CDK17: variants seen among roughly 807,000 people sequenced by gnomAD.
CDK17 encodes cyclin-dependent kinase 17.
Under a neutral mutation model 77.6 loss-of-function variants are expected in CDK17, and 24 were observed. The observed-to-expected ratio is 0.31, with a 90% CI of 0.22 to 0.44. The LOEUF (loss-of-function observed/expected upper bound fraction) is 0.44. Ranked by LOEUF, CDK17 falls within the 20% of genes least tolerant of loss-of-function variation. The pLI is 1.00. For missense variants in CDK17, 429 were observed against 622.5 expected (o/e 0.69, Z 3.31); for synonymous variants, 203 against 210.4 (o/e 0.96, Z 0.30).
At chr12:96,358,218 G>C (rs1405594545) in intron 1 of CDK17, among the ~76,000 whole-genome samples, 1 of 151,688 alleles carries the variant, frequency 6.6e-6, no homozygotes, top group Admixed American at 6.6e-5. Context: ...AAGGAGAAAA[G>C]CACATAAAAA....
At chr12:96,280,722 A>T in intron 16 of CDK17, 86 bp downstream of exon 16, 1 of 1,562,572 alleles carries the variant, frequency 6.4e-7, no homozygotes, top group East Asian at 2.3e-5. Context: ...TACATCAATA[A>T]TTTTACTGAT....
chr12:96,308,581 T>C (rs1952606363), intron 5 of CDK17, among the ~76,000 whole-genome samples: 3 of 151,586 alleles, frequency 2.0e-5, no homozygotes, highest in Non-Finnish European at 2.9e-5. Context: ...ATACAAAAAT[T>C]AGCAGGACAT....
intron 3 of CDK17, among the ~76,000 whole-genome samples, chr12:96,320,115 A>C (rs1464683449): frequency 6.6e-6 from 1 of 152,228 alleles, no homozygotes; most frequent in Non-Finnish European, 1.5e-5. Context: ...ATACAAAATC[A>C]ATGTACAAAA....
chr12:96,371,920 C>A (rs1159348303), intron 1 of CDK17, among the ~76,000 whole-genome samples: 3 of 151,966 alleles, frequency 2.0e-5, no homozygotes, highest in African/African-American at 7.3e-5. Flanking sequence ...ATGTTCTTAG[C>A]ATACTTGGCA....
intron 1 of CDK17, among the ~76,000 whole-genome samples, chr12:96,373,225 A>G (rs1217719313): frequency 6.6e-6 from 1 of 152,208 alleles, no homozygotes; most frequent in Non-Finnish European, 1.5e-5. Flanking sequence ...TGATTCCTTC[A>G]TTTAAACACT....
At chr12:96,325,573 T>C (rs1952882465) in intron 2 of CDK17, among the ~76,000 whole-genome samples, 3 of 152,148 alleles carry the variant, frequency 2.0e-5, no homozygotes. Flanking sequence ...TAAAAGGGTA[T>C]AAGAAGGATG....
chr12:96,372,604 A>C (rs1446559114), intron 1 of CDK17, among the ~76,000 whole-genome samples: 2 of 152,146 alleles, frequency 1.3e-5, no homozygotes, highest in Non-Finnish European at 2.9e-5. Context: ...ATTTTCACCA[A>C]AACAGTAAGA....
At chr12:96,387,136 T>C in intron 1 of CDK17, 1 of 268,508 alleles carries the variant, frequency 3.7e-6, no homozygotes, top group Non-Finnish European at 7.9e-6. Flanking sequence ...TGTGTTCCAC[T>C]TTTCAATTCA....
intron 1 of CDK17, among the ~76,000 whole-genome samples, chr12:96,396,165 T>C (rs954033703): frequency 1.3e-5 from 2 of 152,174 alleles, no homozygotes; most frequent in African/African-American, 4.8e-5. Context: ...TGTCTATTGA[T>C]TTTCCATGTT....
intron 1 of CDK17, among the ~76,000 whole-genome samples, chr12:96,348,681 T>C (rs1953266677): frequency 6.6e-6 from 1 of 152,082 alleles, no homozygotes; most frequent in Non-Finnish European, 1.5e-5. Flanking sequence ...TATAAAAGAA[T>C]GCTATGAACA....
chr12:96,349,514 T>C (rs193283149), intron 1 of CDK17, among the ~76,000 whole-genome samples: 1,459 of 136,738 alleles, frequency 0.011, 45 homozygotes, highest in Admixed American at 0.071. Flanking sequence ...ATAAACCACA[T>C]GAACTTCTCA....
At position 96,371,388 on chromosome 12, in the gene CDK17, C is replaced by T. The variant is rs545577465; in HGVS notation, c.-30+28598G>A. Among the ~76,000 whole-genome samples, 5 of 152,220 alleles carry T rather than the reference C, an allele frequency of 3.3e-5. No individual in the cohort carries two copies. The East Asian group carries it at 9.6e-4, about 29-fold the overall frequency. On this transcript the variant is annotated intron_variant, in intron 1 of 16. Coordinates refer to ENST00000261211, the MANE Select transcript of CDK17 (RefSeq NM_002595.5). ...TAATTGTTCACCCTTTAACCACCTCCTAACTCCAACAATAAAAAATTAAAA... is the reference window on the plus strand; with the variant it reads ...TAATTGTTCACCCTTTAACCACCTCTTAACTCCAACAATAAAAAATTAAAA...
chr12:96,296,841 A>C lies in CDK17; in HGVS notation c.873+429T>G, dbSNP rs367721098. 9.2e-5 allele frequency among the ~76,000 whole-genome samples: 14 copies of C among 152,326 alleles called. No individual in the cohort carries two copies. In the East Asian group the frequency reaches 2.5e-3, roughly 27 times the overall value. On this transcript the variant is annotated intron_variant, in intron 9 of 16. Coordinates refer to ENST00000261211, the MANE Select transcript of CDK17 (RefSeq NM_002595.5). ...TGGTATTTCCAGCATAGTGTTCATA[A>C]AACCTGCATGTTCTGGCCTTATTCA... is the stretch of plus-strand genomic sequence containing the variant.
In CDK17 at chr12:96,399,996, G is replaced by A. The variant is rs1003865900; in HGVS notation, c.-40C>T. 23 of 382,028 alleles carry A rather than the reference G, an allele frequency of 6.0e-5. No homozygotes were observed. Among genetic ancestry groups the A allele is most frequent in the Admixed American group, 2.3e-4 (5 of 22,102 alleles). 23.7% of individuals were successfully genotyped at this position (382,028 alleles called of 1,614,324 possible). A position where few individuals can be genotyped will look rare whatever the true frequency, so the allele number is the denominator to read the frequency against. ...CAGCCGCCAACTCACCAGCAAGAGC[G>A]GGGACCGCGGGTCCCGAGGCGAGGC... On this transcript the variant is annotated 5_prime_UTR_variant, in exon 1 of 17. Transcript: ENST00000261211.
chr12:96,286,777 T>A lies in CDK17; in HGVS notation c.1119-16A>T. 1 of 1,569,038 alleles carries A rather than the reference T, an allele frequency of 6.4e-7. No individual in the cohort carries two copies. Among genetic ancestry groups the A allele is most frequent in the Non-Finnish European group, 8.8e-7 (1 of 1,142,734 alleles). ...ACCAACACCCCTTTAAAATAGATCA[T>A]GAAAATAATTTAGCAATTCATTTAC... On this transcript the variant is annotated splice_polypyrimidine_tract_variant and intron_variant, in intron 11 of 16. Transcript: ENST00000261211.
chr12:96,385,877 G>GA (rs1333707467), intron 1 of CDK17, among the ~76,000 whole-genome samples: 1 of 150,700 alleles, frequency 6.6e-6, no homozygotes, highest in Non-Finnish European at 1.5e-5. Context: ...TCCACTAAAG[G>GA]AAAAAACATA....
intron 1 of CDK17, among the ~76,000 whole-genome samples, chr12:96,380,171 G>T (rs12830119): frequency 7.3e-6 from 1 of 137,876 alleles, no homozygotes; most frequent in Non-Finnish European, 1.7e-5. Context: ...TCTGTCCCCC[G>T]ACCAAAAAAA....
chr12:96,301,227 C>A (rs564078946), intron 5 of CDK17, among the ~76,000 whole-genome samples: 5 of 141,252 alleles, frequency 3.5e-5, no homozygotes, highest in South Asian at 2.4e-4. Context: ...CTACACCCCC[C>A]CTCAACACTC....
chr12:96,316,064 A>T (rs1952710925), intron 3 of CDK17, among the ~76,000 whole-genome samples: 1 of 152,150 alleles, frequency 6.6e-6, no homozygotes, highest in Non-Finnish European at 1.5e-5. Context: ...CTCATTAGGG[A>T]GTGCCAGACA....
Sources: gnomAD v4.1 joint callset for allele counts (sites outside exome capture counted in the v4.1 genomes callset) on GRCh38, gnomAD v4.1.1 for gene constraint, MANE v1.5 for transcripts, NCBI Gene and HGNC (gene_info 2026-07-23, HGNC 2026-07-21) for gene names.